Variants in ABCC4 observed in about 807,000 individuals in gnomAD.
ABCC4 encodes the protein ATP binding cassette subfamily C member 4 (PEL blood group).
A neutral mutation model predicts 168.5 loss-of-function variants in ABCC4; 102 were observed. The ratio of observed to expected loss-of-function variants is 0.61; its 90% CI spans 0.52 to 0.71. The LOEUF (loss-of-function observed/expected upper bound fraction) is 0.71, where lower values mean the gene tolerates loss of function less well. ABCC4 is among the 30% of genes least tolerant of loss of function. ABCC4 has a pLI of 0.00. For synonymous variants in ABCC4, 617 were observed against 590.7 expected (o/e 1.04, Z -0.65); for missense variants, 1,402 against 1,605.8 (o/e 0.87, Z 2.17).
intron 21 of ABCC4, among the ~76,000 whole-genome samples, chr13:95,078,333 A>C (rs1594059303): frequency 6.6e-6 from 1 of 151,856 alleles, no homozygotes; most frequent in East Asian, 1.9e-4. Flanking sequence ...AATTGCTTGA[A>C]CTCGGGAGGT....
At chr13:95,056,955 A>G (rs1236408978) in intron 26 of ABCC4, among the ~76,000 whole-genome samples, 2 of 128,472 alleles carry the variant, frequency 1.6e-5, no homozygotes, top group Non-Finnish European at 3.6e-5. Context: ...TTTAGTTGAA[A>G]ACATTTATTT....
intron 19 of ABCC4, among the ~76,000 whole-genome samples, chr13:95,127,628 C>A (rs949759297): frequency 1.3e-5 from 2 of 152,106 alleles, no homozygotes; most frequent in African/African-American, 4.8e-5. Flanking sequence ...CTACCCTGCC[C>A]ATCTGCTAAG....
chr13:95,198,757 A>G lies in ABCC4; in HGVS notation c.1162-3820T>C, dbSNP rs143297288. Among the ~76,000 whole-genome samples the G allele has an allele frequency of 1.8e-4, 28 of 152,300 alleles. 1 individual carries two copies. Among genetic ancestry groups the G allele is most frequent in the African/African-American group, 5.0e-4 (21 of 41,586 alleles). ...GATAAAGAAAATGTGTCATATATAC[A>G]CTGTGGAATACTATGCAGCCATAAA... On this transcript the variant is annotated intron_variant, in intron 8 of 30. Transcript: ENST00000645237.
At chr13:95,245,077 C>T (rs2040072406) in intron 3 of ABCC4, among the ~76,000 whole-genome samples, 1 of 152,172 alleles carries the variant, frequency 6.6e-6, no homozygotes, top group African/African-American at 2.4e-5. Flanking sequence ...TCTGTGCCTG[C>T]TTCTCCCAAA....
Position 95,188,330 on chromosome 13 carries a change from G to A in ABCC4, c.1353+123C>T, listed in dbSNP as rs567945752. On this transcript the variant is annotated intron_variant, in intron 10 of 30. Transcript: ENST00000645237. Reference sequence around the variant, plus strand: ...TTGCAAAACGAATGTTCCATGCACTGAGAAATGCCGTGCCAAGTGTACCCA... The same window carrying A: ...TTGCAAAACGAATGTTCCATGCACTAAGAAATGCCGTGCCAAGTGTACCCA... 3.4e-5 allele frequency: 30 copies of A among 869,898 alleles called. No homozygotes were observed. The South Asian group carries it at 3.9e-4, about 11-fold the overall frequency. The allele number at this position is 869,898 out of a possible 1,614,324, so 53.9% of individuals were successfully genotyped here.
In ABCC4 at chr13:95,096,670, G is replaced by GA. The variant is rs967059579; in HGVS notation, c.2536-13381dup. On this transcript the variant is annotated intron_variant, in intron 20 of 30. Coordinates refer to ENST00000645237, the MANE Select transcript of ABCC4 (RefSeq NM_005845.5). ...GATATATGTACAGTGCCAAAAAAAG[G>GA]AAAAAAAAAGAAAACTGTCAACCTA... is the stretch of plus-strand genomic sequence containing the variant. 6.6e-4 allele frequency among the ~76,000 whole-genome samples: 99 copies of GA among 150,146 alleles called. 1 individual carries two copies. Among genetic ancestry groups the GA allele is most frequent in the Admixed American group, 2.1e-3 (31 of 15,118 alleles).
chr13:95,177,151 A>G, intron 13 of ABCC4, among the ~76,000 whole-genome samples: 1 of 152,348 alleles, frequency 6.6e-6, no homozygotes, highest in East Asian at 1.9e-4. Flanking sequence ...TCTACTATGG[A>G]GCAAATCATT....
intron 6 of ABCC4, among the ~76,000 whole-genome samples, chr13:95,208,202 G>T (rs1389683074): frequency 6.6e-6 from 1 of 152,148 alleles, no homozygotes; most frequent in Non-Finnish European, 1.5e-5. Flanking sequence ...GGAGCTCACA[G>T]GTGGGCAGGA....
chr13:95,272,369 A>C (rs2040868279), intron 1 of ABCC4, among the ~76,000 whole-genome samples: 1 of 151,746 alleles, frequency 6.6e-6, no homozygotes, highest in South Asian at 2.1e-4. Flanking sequence ...TCTGTGGTAA[A>C]ATGTGTTTAC....
At chr13:95,167,402 G>A (rs2037317611) in intron 14 of ABCC4, among the ~76,000 whole-genome samples, 1 of 151,874 alleles carries the variant, frequency 6.6e-6, no homozygotes, top group Non-Finnish European at 1.5e-5. Context: ...AAAATATTAG[G>A]CAAACTCCCA....
chr13:95,032,394 T>C lies in ABCC4; in HGVS notation c.3870+2211A>G, dbSNP rs73555564. Among the ~76,000 whole-genome samples the C allele has an allele frequency of 9.1e-3, 1,381 of 152,360 alleles. 23 individuals are homozygous for C. Among genetic ancestry groups the C allele is most frequent in the African/African-American group, 0.032 (1,325 of 41,578 alleles). ...CACATCAATCAAATCTCTGCTCTGC[T>C]CTATTCTTTGGCTTATATTGTCAAT... On this transcript the variant is annotated intron_variant, in intron 30 of 30. Coordinates refer to ENST00000645237, the MANE Select transcript of ABCC4 (RefSeq NM_005845.5).
chr13:95,205,781 A>G (rs552838741), intron 8 of ABCC4, among the ~76,000 whole-genome samples: 23 of 152,330 alleles, frequency 1.5e-4, no homozygotes, highest in Non-Finnish European at 2.6e-4. Context: ...GAAGGGGATT[A>G]GTGTCCTTAC....
At chr13:95,174,986 G>A (rs866812217) in intron 13 of ABCC4, among the ~76,000 whole-genome samples, 3 of 152,068 alleles carry the variant, frequency 2.0e-5, no homozygotes, top group Admixed American at 6.6e-5. Context: ...TAGCTTGGTC[G>A]CGCTAAGTAC....
intron 21 of ABCC4, 73 bp from the exon 22 acceptor site, chr13:95,075,624 G>A (rs1594054727): frequency 6.3e-7 from 1 of 1,595,074 alleles, no homozygotes; most frequent in Non-Finnish European, 8.5e-7. Context: ...CAAGCTCCAT[G>A]GTCACGTATC....
intron 11 of ABCC4, among the ~76,000 whole-genome samples, chr13:95,180,917 T>C (rs182630946): frequency 6.6e-6 from 1 of 152,182 alleles, no homozygotes; most frequent in East Asian, 1.9e-4. Flanking sequence ...TGAGTGTTGT[T>C]GACTTGGCAA....
At chr13:95,055,093 G>C (rs1275705772) in intron 26 of ABCC4, among the ~76,000 whole-genome samples, 1 of 152,100 alleles carries the variant, frequency 6.6e-6, no homozygotes, top group Non-Finnish European at 1.5e-5. Flanking sequence ...TTACCAAATG[G>C]AACTGAAAAA....
At chr13:95,204,203 C>T (rs1483188501) in intron 8 of ABCC4, among the ~76,000 whole-genome samples, 1 of 152,066 alleles carries the variant, frequency 6.6e-6, no homozygotes, top group East Asian at 1.9e-4. Context: ...AAGCCCTACA[C>T]CTAGGGTTCA....
intron 21 of ABCC4, 200 bp from the exon 22 acceptor site, chr13:95,075,751 C>T (rs2033878516): frequency 1.8e-6 from 1 of 569,868 alleles, no homozygotes; most frequent in South Asian, 2.7e-5. Context: ...TCAAACCACA[C>T]CTCACATAAG....
Position 95,027,611 on chromosome 13 carries a change from C to T in ABCC4, c.3871-5929G>A, listed in dbSNP as rs570894219. On this transcript the variant is annotated intron_variant, in intron 30 of 30. Transcript: ENST00000645237. ...CTTAAGTATATTTGGGGTTTGAAGG[C>T]AAATAGAAGAAAAACTAAGCTAAAA... Among the ~76,000 whole-genome samples, 5 of 151,874 alleles carry T rather than the reference C, an allele frequency of 3.3e-5. No homozygotes were observed. The East Asian group carries it at 9.7e-4, about 29-fold the overall frequency.
Sources: gnomAD v4.1 joint callset for allele counts (sites outside exome capture counted in the v4.1 genomes callset) on GRCh38, gnomAD v4.1.1 for gene constraint, MANE v1.5 for transcripts, NCBI Gene and HGNC (gene_info 2026-07-23, HGNC 2026-07-21) for gene names.